EGF: variants seen among roughly 807,000 people sequenced by gnomAD.
The protein encoded by EGF is pro-epidermal growth factor.
In EGF, 95 loss-of-function variants were observed where a neutral mutation model predicts 143.8. The ratio of observed to expected loss-of-function variants is 0.66; its 90% confidence interval spans 0.56 to 0.78. The LOEUF (loss-of-function observed/expected upper bound fraction) is 0.78, where lower values mean the gene tolerates loss of function less well. EGF is among the 30% of genes least tolerant of loss of function. The probability of loss-of-function intolerance (pLI) is 0.00; values close to 1 mark genes in which losing one functional copy is unlikely to be tolerated. For missense variants in EGF, 1,320 were observed against 1,470.9 expected, an observed-to-expected ratio of 0.90 and a Z score of 1.68; for synonymous variants, 510 against 510.5, an observed-to-expected ratio of 1.00 and a Z score of 0.01.
chr4:109,961,086 A>G (rs1036479170), intron 7 of EGF, 97 bp downstream of exon 7: 18 of 1,362,598 alleles, frequency 1.3e-5, no homozygotes, highest in Non-Finnish European at 1.7e-5. Context: ...TTCAATCAGC[A>G]GTGTGCATCA....
chr4:109,962,783 T>C (rs559498523), intron 8 of EGF, among the ~76,000 whole-genome samples: 21 of 152,142 alleles, frequency 1.4e-4, no homozygotes, highest in Admixed American at 5.2e-4. Flanking sequence ...AATCAACATA[T>C]GGGCTGAGTG....
intron 1 of EGF, among the ~76,000 whole-genome samples, chr4:109,929,955 T>C (rs765283115): frequency 1.3e-5 from 2 of 152,150 alleles, no homozygotes; most frequent in Admixed American, 1.3e-4. Context: ...TGGGAAGTGA[T>C]TGGATCATGG....
intron 2 of EGF, among the ~76,000 whole-genome samples, chr4:109,941,733 G>A (rs1252039554): frequency 6.6e-6 from 1 of 152,144 alleles, no homozygotes; most frequent in East Asian, 1.9e-4. Context: ...TTTGGCACCT[G>A]ACACGTAGAA....
In EGF at chr4:109,959,406, C is replaced by T. The variant is rs762757772; in HGVS notation, c.1035C>T (p.Tyr345=). ...QSHLCMCAEG[Y]ALSRDRKYCE... ...ACTTGTGCATGTGTGCAGAGGGATACGCCCTAAGTCGAGACCGGAAGTACT... is the reference window on the plus strand; with the variant it reads ...ACTTGTGCATGTGTGCAGAGGGATATGCCCTAAGTCGAGACCGGAAGTACT... Residue 345 remains tyrosine, a synonymous_variant, in exon 6 of 24, where the codon TAC becomes TAT. Coordinates refer to ENST00000265171, the MANE Select transcript of EGF (RefSeq NM_001963.6). The T allele has an allele frequency of 1.9e-5, 30 of 1,613,928 alleles. No individual in the cohort carries two copies. Among genetic ancestry groups the T allele is most frequent in the South Asian group, 4.4e-5 (4 of 91,086 alleles).
At chr4:109,988,180 A>G (rs561464444) in intron 17 of EGF, among the ~76,000 whole-genome samples, 1 of 149,392 alleles carries the variant, frequency 6.7e-6, no homozygotes, top group East Asian at 2.0e-4. Context: ...ACCAATTCCA[A>G]TGAAAACACA....
At chr4:109,958,008 A>T (rs973956486) in intron 5 of EGF, among the ~76,000 whole-genome samples, 6 of 152,354 alleles carry the variant, frequency 3.9e-5, no homozygotes, top group South Asian at 2.1e-4. Flanking sequence ...AAATCTCATT[A>T]ACTTTTTGGA....
At chr4:109,929,917 A>G (rs112611984) in intron 1 of EGF, among the ~76,000 whole-genome samples, 14 of 152,286 alleles carry the variant, frequency 9.2e-5, no homozygotes, top group African/African-American at 2.9e-4. Flanking sequence ...TTGAATTGTA[A>G]TCCCCAGGTG....
At chr4:109,925,204 T>C (rs1045346951) in intron 1 of EGF, among the ~76,000 whole-genome samples, 1 of 152,178 alleles carries the variant, frequency 6.6e-6, no homozygotes, top group African/African-American at 2.4e-5. Flanking sequence ...GCTAAAATAA[T>C]ACATGAAAAA....
chr4:109,987,677 G>A, intron 16 of EGF, 67 bp from the exon 17 acceptor site: 1 of 1,317,232 alleles, frequency 7.6e-7, no homozygotes, highest in Non-Finnish European at 1.1e-6. Flanking sequence ...TGTAGAACCA[G>A]AAGATTAAAG....
rs1578259855 is a variant in EGF at position 109,959,141 on chromosome 4, A to C, written c.941-171A>C. On this transcript the variant is annotated intron_variant, in intron 5 of 23. Transcript: ENST00000265171. ...GGAGAAGTAATACAATTGGAGAAAA[A>C]AGTGGGCTTCGGGATGCTGGGGAAT... The C allele has an allele frequency of 5.3e-6, 5 of 950,678 alleles. No individual in the cohort carries two copies. The East Asian group carries it at 1.4e-4, about 26-fold the overall frequency. 58.9% of individuals were successfully genotyped at this position (950,678 alleles called of 1,614,324 possible).
chr4:109,989,414 C>T (rs1323136082), intron 18 of EGF, among the ~76,000 whole-genome samples: 2 of 152,150 alleles, frequency 1.3e-5, no homozygotes, highest in African/African-American at 2.4e-5. Context: ...AGTTTTACAG[C>T]GCTTTAAAAC....
chr4:109,926,503 C>T (rs1414774540), intron 1 of EGF, among the ~76,000 whole-genome samples: 4 of 151,952 alleles, frequency 2.6e-5, no homozygotes, highest in Admixed American at 1.3e-4. Context: ...TACAGGCGCC[C>T]GCCACCACAC....
intron 5 of EGF, among the ~76,000 whole-genome samples, chr4:109,948,833 T>C (rs1183534612): frequency 1.3e-5 from 2 of 152,158 alleles, no homozygotes; most frequent in Non-Finnish European, 2.9e-5. Context: ...GGTTAGTTCC[T>C]CATGGATATT....
At chr4:109,956,657 T>C (rs1486554817) in intron 5 of EGF, among the ~76,000 whole-genome samples, 1 of 152,188 alleles carries the variant, frequency 6.6e-6, no homozygotes, top group Non-Finnish European at 1.5e-5. Flanking sequence ...AAAAATAATG[T>C]AACTATACAT....
At chr4:109,964,261 A>G (rs1746181058) in intron 9 of EGF, 140 bp from the exon 10 acceptor site, 1 of 1,191,060 alleles carries the variant, frequency 8.4e-7, no homozygotes, top group South Asian at 1.3e-5. Flanking sequence ...GTCTTCACCT[A>G]TACCACACTA....
At chr4:109,986,357 A>G (rs1302901466) in intron 16 of EGF, among the ~76,000 whole-genome samples, 1 of 152,232 alleles carries the variant, frequency 6.6e-6, no homozygotes, top group African/African-American at 2.4e-5. Flanking sequence ...TAGTCTTCCA[A>G]ATAAATGCTG....
At chr4:110,009,572 GT>G (rs569241950) in intron 23 of EGF, among the ~76,000 whole-genome samples, 370 of 152,068 alleles carry the variant, frequency 2.4e-3, no homozygotes, top group Non-Finnish European at 4.1e-3. Context: ...TTTTGCTGTT[GT>G]TTTTTTCCCC....
At chr4:109,993,202 T>C in intron 18 of EGF, 45 bp from the exon 19 acceptor site, 1 of 1,611,226 alleles carries the variant, frequency 6.2e-7, no homozygotes. Flanking sequence ...AACCCTCTTT[T>C]TCTGTACCCC....
Position 110,011,591 on chromosome 4 carries a change from C to T in EGF, c.*136C>T. On this transcript the variant is annotated 3_prime_UTR_variant, in exon 24 of 24. Coordinates refer to ENST00000265171, the MANE Select transcript of EGF (RefSeq NM_001963.6). Reference sequence around the variant, plus strand: ...TAATCACCTACTCAATGCCTGGAGACAGATACGTAGTTGTGCTTTTGTTTG... The same window carrying T: ...TAATCACCTACTCAATGCCTGGAGATAGATACGTAGTTGTGCTTTTGTTTG... The T allele has an allele frequency of 7.5e-7, 1 of 1,327,948 alleles. No individual in the cohort carries two copies. Among genetic ancestry groups the T allele is most frequent in the Non-Finnish European group, 1.0e-6 (1 of 956,442 alleles). 82.3% of individuals were successfully genotyped at this position (1,327,948 alleles called of 1,614,324 possible).
Sources: gnomAD v4.1 joint callset for allele counts (sites outside exome capture counted in the v4.1 genomes callset) on GRCh38, gnomAD v4.1.1 for gene constraint, MANE v1.5 for transcripts, NCBI Gene and HGNC (gene_info 2026-07-23, HGNC 2026-07-21) for gene names.